The following ARIH1 variants were observed in gnomAD, a reference collection of about 807,000 sequenced individuals.
The protein encoded by ARIH1 is ariadne RBR E3 ubiquitin protein ligase 1.
A neutral mutation model predicts 85.0 loss-of-function variants in ARIH1; 8 were observed. The ratio of observed to expected loss-of-function variants is 0.09; its 90% CI spans 0.06 to 0.17. The LOEUF (loss-of-function observed/expected upper bound fraction) is 0.17, where lower values mean the gene tolerates loss of function less well. ARIH1 is among the 10% of genes least tolerant of loss of function. The pLI is 1.00. For missense variants in ARIH1, 311 were observed against 718.1 expected (o/e 0.43, Z 6.48); for synonymous variants, 238 against 253.6 (o/e 0.94, Z 0.59).
chr15:72,544,893 C>A lies in ARIH1; in HGVS notation c.517C>A (p.Arg173Ser), dbSNP rs148941976. ...VINPSKKSRTRQMNTRSSAQD... is the reference protein window; with the variant it reads ...VINPSKKSRTSQMNTRSSAQD... ...TAATCCAAGTAAAAAGTCTCGAACA[C>A]GCCAGATGAATACAAGGTCATCAGC... Residue 173 changes from arginine (R) to serine (S), a missense_variant, in exon 3 of 14, where the codon CGC becomes AGC. Physicochemically the swap from Arg to Ser is moderately radical, Grantham distance 110. This residue lies in a region of ARIH1 where 104 missense variants were observed against 221.4 expected (regional missense o/e 0.47). Coordinates refer to ENST00000379887, the MANE Select transcript of ARIH1 (RefSeq NM_005744.5). The A allele has an allele frequency of 6.2e-7, 1 of 1,613,478 alleles. No individual in the cohort carries two copies. The highest frequency in any genetic ancestry group is 1.3e-5 in the African/African-American group (1 of 74,900).
chr15:72,533,145 T>G (rs1005580776), intron 2 of ARIH1, among the ~76,000 whole-genome samples: 1 of 152,196 alleles, frequency 6.6e-6, no homozygotes, highest in African/African-American at 2.4e-5. Flanking sequence ...TTTCTTTTTT[T>G]TGAGATGGGG....
At chr15:72,577,265 G>A (rs1233832553) in intron 11 of ARIH1, among the ~76,000 whole-genome samples, 3 of 152,010 alleles carry the variant, frequency 2.0e-5, no homozygotes, top group African/African-American at 4.8e-5. Context: ...GATTACAGGC[G>A]TGAGCCACTC....
At chr15:72,522,507 G>C (rs2064004824) in intron 2 of ARIH1, among the ~76,000 whole-genome samples, 1 of 152,044 alleles carries the variant, frequency 6.6e-6, no homozygotes, top group South Asian at 2.1e-4. Context: ...GCAACAGAGT[G>C]AGACTCTGTC....
chr15:72,518,876 T>G (rs961642048), intron 2 of ARIH1, among the ~76,000 whole-genome samples: 1 of 152,140 alleles, frequency 6.6e-6, no homozygotes, highest in African/African-American at 2.4e-5. Context: ...GAGAAGTTGC[T>G]TAGGCTTTTC....
intron 1 of ARIH1, among the ~76,000 whole-genome samples, chr15:72,513,900 A>G (rs942950256): frequency 7.0e-6 from 1 of 143,118 alleles, no homozygotes; most frequent in Non-Finnish European, 1.5e-5. Flanking sequence ...CCAAAGACAG[A>G]GTCTTGTCTG....
At chr15:72,475,963 G>T (rs974640658) in intron 1 of ARIH1, among the ~76,000 whole-genome samples, 2 of 152,106 alleles carry the variant, frequency 1.3e-5, no homozygotes, top group African/African-American at 4.8e-5. Context: ...AAAAACCTCA[G>T]TTCTCCTGAG....
intron 1 of ARIH1, among the ~76,000 whole-genome samples, chr15:72,490,913 C>A (rs1281184988): frequency 6.6e-6 from 1 of 151,930 alleles, no homozygotes; most frequent in Non-Finnish European, 1.5e-5. Context: ...GTCAGGAGTT[C>A]GAGACCAGCC....
rs548941754 is a variant in ARIH1, at chr15:72,480,286, A to G, written c.375+5272A>G. Among the ~76,000 whole-genome samples, 209 of 141,594 alleles carry G rather than the reference A, an allele frequency of 1.5e-3. 1 individual carries two copies. Among genetic ancestry groups the G allele is most frequent in the African/African-American group, 5.0e-3 (189 of 37,808 alleles). The allele number at this position is 141,594 out of a possible 152,430, so 92.9% of individuals were successfully genotyped here. A position where few individuals can be genotyped will look rare whatever the true frequency, so the allele number is the denominator to read the frequency against. The stretch of plus-strand genomic sequence containing the variant: ...AAATTTTTTTTTTTTTTTTTTATAC[A>G]TGTCTCACTGTGTCACCCAGGCTGG... On this transcript the variant is annotated intron_variant, in intron 1 of 13. Transcript: ENST00000379887.
intron 1 of ARIH1, among the ~76,000 whole-genome samples, chr15:72,516,661 A>G (rs891285763): frequency 1.3e-5 from 2 of 152,218 alleles, no homozygotes; most frequent in African/African-American, 4.8e-5. Context: ...TACTAAGGTG[A>G]GTAAGTGAGT....
rs150712599 is a variant in ARIH1 at position 72,579,265 on chromosome 15, A to G, written c.1216-1466A>G. On this transcript the variant is annotated intron_variant, in intron 11 of 13. Transcript: ENST00000379887. ...TCCTGTAGAGTTTCCCACATTATGG[A>G]TTTTGCTGGTTGCAACTGCATGGTG... 4.6e-4 allele frequency among the ~76,000 whole-genome samples: 70 copies of G among 151,674 alleles called. 1 individual carries two copies. In the East Asian group the frequency reaches 0.013, roughly 29 times the overall value.
chr15:72,583,180 GTTT>G lies in ARIH1; in HGVS notation c.1590-17_1590-15del, dbSNP rs542674015. The stretch of plus-strand genomic sequence containing the variant: ...TTTTATTATTAGAGGCTGACAACAA[GTTT>G]TTTTTTTTTTCTCTTTGATTACAGA... On this transcript the variant is annotated intron_variant, in intron 13 of 13. Coordinates refer to ENST00000379887, the MANE Select transcript of ARIH1 (RefSeq NM_005744.5). The G allele has an allele frequency of 3.9e-6, 5 of 1,292,194 alleles. No individual in the cohort carries two copies. The highest frequency in any genetic ancestry group is 1.5e-5 in the African/African-American group (1 of 65,778). The allele number at this position is 1,292,194 out of a possible 1,614,324, so 80.0% of individuals were successfully genotyped here. A position where few individuals can be genotyped will look rare whatever the true frequency, so the allele number is the denominator to read the frequency against.
chr15:72,571,921 C>T (rs1286371285), intron 10 of ARIH1, among the ~76,000 whole-genome samples, 187 bp from the exon 11 acceptor site: 2 of 152,150 alleles, frequency 1.3e-5, no homozygotes, highest in African/African-American at 2.4e-5. Context: ...AGAACAGTTC[C>T]TTTCAGCCTG....
chr15:72,569,832 G>T (rs2064235643), intron 9 of ARIH1, among the ~76,000 whole-genome samples: 1 of 152,188 alleles, frequency 6.6e-6, no homozygotes, highest in Admixed American at 6.5e-5. Flanking sequence ...GAAGGCTGAA[G>T]TGGAAAGATC....
chr15:72,511,083 T>C (rs568415716), intron 1 of ARIH1, among the ~76,000 whole-genome samples: 176 of 152,276 alleles, frequency 1.2e-3, no homozygotes, highest in African/African-American at 4.1e-3. Context: ...ATTTTAATTA[T>C]GTTGTTTTCC....
intron 2 of ARIH1, among the ~76,000 whole-genome samples, chr15:72,540,258 CAAAAAAAA>C (rs10615863): frequency 1.1e-4 from 9 of 81,366 alleles, no homozygotes; most frequent in African/African-American, 1.9e-4. Context: ...GACTTTGTCT[CAAAAAAAA>C]AAAAAAAAAA....
chr15:72,600,020 T>A lies in ARIH1; in HGVS notation c.*16728T>A, dbSNP rs954669576. On this transcript the variant is annotated 3_prime_UTR_variant, in exon 14 of 14. Coordinates refer to ENST00000379887, the MANE Select transcript of ARIH1 (RefSeq NM_005744.5). ...ATAGGTTTTGGGAGGACTGGACACT[T>A]CCAAAGAGAAATAAGATGTTACAGA... The A allele has an allele frequency of 6.6e-6, 1 of 152,166 alleles. No individual in the cohort carries two copies. Among genetic ancestry groups the A allele is most frequent in the African/African-American group, 2.4e-5 (1 of 41,444 alleles). 9.4% of individuals were successfully genotyped at this position (152,166 alleles called of 1,614,324 possible). A position where few individuals can be genotyped will look rare whatever the true frequency, so the allele number is the denominator to read the frequency against.
At chr15:72,538,311 CT>C (rs1265177007) in intron 2 of ARIH1, among the ~76,000 whole-genome samples, 6 of 152,196 alleles carry the variant, frequency 3.9e-5, no homozygotes, top group African/African-American at 1.4e-4. Context: ...TTGCAGTGAG[CT>C]GAGATGAAGC....
intron 12 of ARIH1, 187 bp from the exon 13 acceptor site, chr15:72,581,888 A>G: frequency 2.4e-6 from 1 of 421,534 alleles, no homozygotes; most frequent in Non-Finnish European, 4.3e-6. Context: ...CATTTAAAAA[A>G]TTGTTCTGGA....
chr15:72,582,883 C>T lies in ARIH1; in HGVS notation c.1590-325C>T, dbSNP rs1207230359. Among the ~76,000 whole-genome samples, 1 of 152,098 alleles carries T rather than the reference C, an allele frequency of 6.6e-6. No individual in the cohort carries two copies. The highest frequency in any genetic ancestry group is 2.4e-5 in the African/African-American group (1 of 41,420). On this transcript the variant is annotated intron_variant, in intron 13 of 13. Transcript: ENST00000379887. The surrounding 1 kb of genome is among the most constrained non-coding windows in gnomAD (Gnocchi z 4.6). ...AGATTTTAAGGACGTGAATAAAGAA[C>T]CCATGAAATTATTTCTGAACCTGTT...
Sources: gnomAD v4.1 joint callset for allele counts (sites outside exome capture counted in the v4.1 genomes callset) on GRCh38, gnomAD v4.1.1 for gene constraint, gnomAD v4.1.1 regional missense constraint, Gnocchi (gnomAD v3.1) non-coding constraint, MANE v1.5 for transcripts, NCBI Gene and HGNC (gene_info 2026-07-23, HGNC 2026-07-21) for gene names.